The following CNTN4 variants were observed in gnomAD, a reference collection of about 807,000 sequenced individuals.
CNTN4 encodes the protein contactin-4.
A neutral mutation model predicts 122.5 loss-of-function variants in CNTN4; 77 were observed. The ratio of observed to expected loss-of-function variants is 0.63; its 90% CI spans 0.52 to 0.76. CNTN4 has a LOEUF of 0.76. CNTN4 is among the 30% of genes least tolerant of loss of function. The pLI is 0.00. For missense variants in CNTN4, 1,256 were observed against 1,259.1 expected (o/e 1.00, Z 0.04); for synonymous variants, 512 against 447.0 (o/e 1.15, Z -1.83).
chr3:3,018,364 T>C (rs1479383392), intron 14 of CNTN4, among the ~76,000 whole-genome samples: 1 of 152,236 alleles, frequency 6.6e-6, no homozygotes, highest in African/African-American at 2.4e-5. Context: ...AGAATTAGTA[T>C]TCGCCATCTT....
intron 10 of CNTN4, among the ~76,000 whole-genome samples, chr3:2,897,001 T>C (rs912028112): frequency 6.6e-6 from 1 of 151,186 alleles, no homozygotes; most frequent in Non-Finnish European, 1.5e-5. Context: ...CTAAGGCATA[T>C]GTTGGCATTT....
Position 3,034,703 on chromosome 3 carries a change from C to T in CNTN4, c.1855C>T (p.Pro619Ser), listed in dbSNP as rs952248567. ...TDTTAQLSWR[P>S]GPDNHSPITM... The stretch of plus-strand genomic sequence containing the variant: ...TACCACTGCTCAGCTCTCCTGGAGA[C>T]CCGGGCCTGACAACCACAGCCCCAT... The change falls in exon 17 of 25, where the codon CCC (proline) becomes TCC (serine). Residue 619 changes from proline to serine, a missense_variant. By Grantham distance (74) the Pro-to-Ser change is moderately conservative. Coordinates refer to ENST00000418658, the MANE Select transcript of CNTN4 (RefSeq NM_175607.3). 2 of 1,614,102 alleles carry T rather than the reference C, an allele frequency of 1.2e-6. No homozygotes were observed. The highest frequency in any genetic ancestry group is 1.7e-6 in the Non-Finnish European group (2 of 1,179,990).
chr3:2,474,552 C>T (rs75191426), intron 3 of CNTN4, among the ~76,000 whole-genome samples: 1,880 of 152,088 alleles, frequency 0.012, 39 homozygotes, highest in African/African-American at 0.043. Flanking sequence ...ATATTTAACC[C>T]TAAACCACAC....
chr3:2,977,107 C>G (rs1444611961), intron 13 of CNTN4, among the ~76,000 whole-genome samples: 2 of 152,192 alleles, frequency 1.3e-5, no homozygotes, highest in Non-Finnish European at 2.9e-5. Flanking sequence ...CACCTCTCTA[C>G]TCCTTCTACA....
In CNTN4 at chr3:2,800,876, C is replaced by G. The variant is rs181177504; in HGVS notation, c.359-18610C>G. ...TGAATGTTTTCCCGTAAACATTCAT[C>G]TGGCTAAACCCCTTGCCACCTTCAG... is the stretch of plus-strand genomic sequence containing the variant. On this transcript the variant is annotated intron_variant, in intron 6 of 24. Transcript: ENST00000418658. Among the ~76,000 whole-genome samples the G allele has an allele frequency of 2.0e-5, 3 of 152,304 alleles. No homozygotes were observed. The East Asian group carries it at 5.8e-4, about 29-fold the overall frequency.
chr3:2,574,385 C>A (rs1370478189), intron 4 of CNTN4, among the ~76,000 whole-genome samples: 2 of 152,092 alleles, frequency 1.3e-5, no homozygotes. Flanking sequence ...CTCACATATG[C>A]CTTTTCCTGA....
chr3:2,293,146 T>C (rs1016475738), intron 2 of CNTN4, among the ~76,000 whole-genome samples: 1 of 152,238 alleles, frequency 6.6e-6, no homozygotes, highest in Non-Finnish European at 1.5e-5. Context: ...GGACTGTTGA[T>C]TGCAGATACC....
intron 14 of CNTN4, among the ~76,000 whole-genome samples, chr3:3,006,357 G>A (rs1204393244): frequency 5.3e-5 from 8 of 152,076 alleles, no homozygotes; most frequent in Non-Finnish European, 1.2e-4. Flanking sequence ...TTGAATGGAT[G>A]GAAGAATGAA....
rs900695927 is a variant in CNTN4, at chr3:2,409,790, T to C, written c.-89+70557T>C. On this transcript the variant is annotated intron_variant, in intron 3 of 24. Transcript: ENST00000418658. ...TAAAAGATGAGGCATATGTATATTA[T>C]CTATGTATACACTATTTAAATATGT... Among the ~76,000 whole-genome samples the C allele has an allele frequency of 1.9e-4, 29 of 152,270 alleles. 2 individuals are homozygous for C. The highest frequency in any genetic ancestry group is 7.0e-4 in the African/African-American group (29 of 41,580).
At chr3:2,934,714 G>C (rs1443303981) in intron 13 of CNTN4, among the ~76,000 whole-genome samples, 2 of 152,194 alleles carry the variant, frequency 1.3e-5, no homozygotes, top group African/African-American at 2.4e-5. Context: ...CTGTTATTAG[G>C]AATTCTGCCC....
chr3:2,226,045 T>C (rs1649856178), intron 2 of CNTN4, among the ~76,000 whole-genome samples: 1 of 152,184 alleles, frequency 6.6e-6, no homozygotes, highest in Non-Finnish European at 1.5e-5. Context: ...TTTGCCAGGC[T>C]ACAGTGGGAT....
chr3:2,910,367 T>G (rs1391673621), intron 12 of CNTN4, among the ~76,000 whole-genome samples: 1 of 152,230 alleles, frequency 6.6e-6, no homozygotes, highest in Non-Finnish European at 1.5e-5. Flanking sequence ...CTGAATCTTC[T>G]GTAAAACTGC....
intron 7 of CNTN4, among the ~76,000 whole-genome samples, chr3:2,857,181 G>A (rs1439213203): frequency 2.0e-5 from 3 of 152,192 alleles, no homozygotes; most frequent in Non-Finnish European, 4.4e-5. Flanking sequence ...AGCTGAAAGA[G>A]TTGTATCATG....
chr3:2,523,267 A>G (rs2077283443), intron 3 of CNTN4, among the ~76,000 whole-genome samples: 1 of 150,258 alleles, frequency 6.7e-6, no homozygotes, highest in African/African-American at 2.4e-5. Flanking sequence ...TGCATTCTCT[A>G]GTTTCCTATA....
intron 14 of CNTN4, among the ~76,000 whole-genome samples, chr3:3,015,115 C>T (rs1449601475): frequency 2.0e-5 from 3 of 152,112 alleles, no homozygotes; most frequent in Non-Finnish European, 4.4e-5. Flanking sequence ...CTTTAAATTT[C>T]ACTGAATGTG....
At chr3:2,113,859 C>T (rs1559253718) in intron 2 of CNTN4, among the ~76,000 whole-genome samples, 1 of 152,114 alleles carries the variant, frequency 6.6e-6, no homozygotes, top group Non-Finnish European at 1.5e-5. Context: ...ACCATTCTTC[C>T]TTATGCTGAA....
chr3:2,127,278 C>G (rs2034221747), intron 2 of CNTN4, among the ~76,000 whole-genome samples: 1 of 152,092 alleles, frequency 6.6e-6, no homozygotes, highest in African/African-American at 2.4e-5. Flanking sequence ...GAGAGAGAGC[C>G]AAGTCCATCA....
intron 2 of CNTN4, among the ~76,000 whole-genome samples, chr3:2,118,664 G>A (rs1190223126): frequency 2.0e-5 from 3 of 152,166 alleles, no homozygotes; most frequent in Non-Finnish European, 4.4e-5. Flanking sequence ...ATGTTGCTAA[G>A]CTTCCAGAAA....
intron 2 of CNTN4, among the ~76,000 whole-genome samples, chr3:2,106,631 A>C (rs1260168052): frequency 6.6e-6 from 1 of 152,120 alleles, no homozygotes; most frequent in Non-Finnish European, 1.5e-5. Flanking sequence ...CTTGTCCAAG[A>C]AACCGTTTTT....
Sources: gnomAD v4.1 joint callset for allele counts (sites outside exome capture counted in the v4.1 genomes callset) on GRCh38, gnomAD v4.1.1 for gene constraint, MANE v1.5 for transcripts, NCBI Gene and HGNC (gene_info 2026-07-23, HGNC 2026-07-21) for gene names.